Variants in R3HDM2 observed in about 807,000 individuals in gnomAD.
The protein encoded by R3HDM2 is R3H domain-containing protein 2.
In R3HDM2, 38 loss-of-function variants were observed where a neutral mutation model predicts 124.5. The ratio of observed to expected loss-of-function variants is 0.31; its 90% CI spans 0.24 to 0.40. The LOEUF (loss-of-function observed/expected upper bound fraction) is 0.40, where lower values mean the gene tolerates loss of function less well. R3HDM2 is among the 10% of genes least tolerant of loss of function. The pLI is 1.00. For missense variants in R3HDM2, 869 were observed against 1,236.9 expected (o/e 0.70, Z 4.46); for synonymous variants, 391 against 448.0 (o/e 0.87, Z 1.61).
chr12:57,428,515 G>C (rs1210207483), intron 1 of R3HDM2, among the ~76,000 whole-genome samples: 1 of 142,322 alleles, frequency 7.0e-6, no homozygotes, highest in African/African-American at 2.6e-5. Flanking sequence ...GGTGGGGGGC[G>C]TGGTGGGGGG....
chr12:57,255,164 G>A, intron 23 of R3HDM2, 51 bp from the exon 24 acceptor site: 1 of 1,440,706 alleles, frequency 6.9e-7, no homozygotes, highest in Non-Finnish European at 9.4e-7. Context: ...GGACAGGAAG[G>A]ACTTGACAGC....
At chr12:57,362,238 C>T (rs1250246097) in intron 2 of R3HDM2, among the ~76,000 whole-genome samples, 1 of 152,220 alleles carries the variant, frequency 6.6e-6, no homozygotes, top group Admixed American at 6.5e-5. Context: ...ATCCCTGAGA[C>T]AGCAAGACCA....
chr12:57,337,353 A>G (rs1593497398), intron 2 of R3HDM2, among the ~76,000 whole-genome samples: 1 of 151,946 alleles, frequency 6.6e-6, no homozygotes. Context: ...GGATCTCCCT[A>G]TCTTGCCTAG....
At chr12:57,370,227 G>A (rs996636744) in intron 2 of R3HDM2, among the ~76,000 whole-genome samples, 26 of 152,070 alleles carry the variant, frequency 1.7e-4, no homozygotes, top group South Asian at 8.3e-4. Flanking sequence ...ATACATAAGC[G>A]TCTGGAATTT....
At chr12:57,366,144 AT>A (rs1025921068) in intron 2 of R3HDM2, among the ~76,000 whole-genome samples, 2 of 151,852 alleles carry the variant, frequency 1.3e-5, no homozygotes, top group Non-Finnish European at 2.9e-5. Flanking sequence ...CTCTTCACTT[AT>A]TTTTTTGTCT....
At chr12:57,264,714 C>T (rs910158512) in intron 19 of R3HDM2, among the ~76,000 whole-genome samples, 3 of 151,422 alleles carry the variant, frequency 2.0e-5, no homozygotes, top group African/African-American at 7.3e-5. Flanking sequence ...ATCACTGCAG[C>T]CTCAAACACC....
intron 2 of R3HDM2, among the ~76,000 whole-genome samples, chr12:57,317,012 G>A (rs1415620491): frequency 6.6e-6 from 1 of 151,992 alleles, no homozygotes; most frequent in East Asian, 1.9e-4. Flanking sequence ...CTCCCAAAGT[G>A]CAGGGATTAC....
chr12:57,303,939 T>G (rs2051918399), intron 3 of R3HDM2, among the ~76,000 whole-genome samples: 1 of 152,210 alleles, frequency 6.6e-6, no homozygotes, highest in African/African-American at 2.4e-5. Flanking sequence ...TACCACAGCA[T>G]GAAAGAGTGT....
chr12:57,366,744 C>CA (rs2062709262), intron 2 of R3HDM2, among the ~76,000 whole-genome samples: 1 of 152,116 alleles, frequency 6.6e-6, no homozygotes, highest in South Asian at 2.1e-4. Context: ...GGCTGGAGTG[C>CA]AGTGGCGCGA....
chr12:57,423,287 G>A (rs188452944), intron 1 of R3HDM2, among the ~76,000 whole-genome samples: 28 of 151,988 alleles, frequency 1.8e-4, no homozygotes, highest in African/African-American at 5.1e-4. Context: ...AGCCAGGCAC[G>A]GTGGCGCACC....
intron 2 of R3HDM2, among the ~76,000 whole-genome samples, chr12:57,368,113 T>C (rs1350910558): frequency 2.0e-5 from 3 of 152,068 alleles, no homozygotes; most frequent in African/African-American, 7.2e-5. Flanking sequence ...TAAGAATTCT[T>C]TGAAGCCAGG....
intron 2 of R3HDM2, among the ~76,000 whole-genome samples, chr12:57,330,054 C>T (rs769318372): frequency 1.1e-4 from 17 of 152,104 alleles, no homozygotes; most frequent in Non-Finnish European, 2.2e-4. Flanking sequence ...GCAACCTCCG[C>T]CTCCCGGGTT....
At chr12:57,332,060 G>A (rs373331112) in intron 2 of R3HDM2, among the ~76,000 whole-genome samples, 7 of 151,710 alleles carry the variant, frequency 4.6e-5, no homozygotes, top group African/African-American at 1.7e-4. Flanking sequence ...TTCCAGCCTG[G>A]ACCACAGAGC....
At chr12:57,343,938 G>C (rs2059852208) in intron 2 of R3HDM2, among the ~76,000 whole-genome samples, 1 of 152,002 alleles carries the variant, frequency 6.6e-6, no homozygotes. Flanking sequence ...TGAATGACAT[G>C]TTTTTGACCT....
intron 2 of R3HDM2, among the ~76,000 whole-genome samples, chr12:57,351,943 T>C (rs1242532622): frequency 1.3e-5 from 2 of 152,026 alleles, no homozygotes; most frequent in Non-Finnish European, 1.5e-5. Context: ...GAAGGTGTAA[T>C]TAAAAAGAAA....
At chr12:57,279,747 T>C (rs2137863847) in intron 14 of R3HDM2, among the ~76,000 whole-genome samples, 1 of 152,266 alleles carries the variant, frequency 6.6e-6, no homozygotes, top group East Asian at 1.9e-4. Context: ...ATGACCTTCC[T>C]GGTCTCCACA....
chr12:57,318,370 G>A (rs1443107799), intron 2 of R3HDM2, among the ~76,000 whole-genome samples: 4 of 152,066 alleles, frequency 2.6e-5, no homozygotes, highest in African/African-American at 9.7e-5. Context: ...CTGACAGGCT[G>A]GGTGGTGCAG....
chr12:57,312,239 T>C (rs1593109347), intron 2 of R3HDM2, among the ~76,000 whole-genome samples: 1 of 152,144 alleles, frequency 6.6e-6, no homozygotes, highest in East Asian at 1.9e-4. Flanking sequence ...CCCAGAAGTC[T>C]TTCAAGAAGC....
At chr12:57,396,769 C>A (rs1477594623) in intron 1 of R3HDM2, among the ~76,000 whole-genome samples, 1 of 83,908 alleles carries the variant, frequency 1.2e-5, no homozygotes, top group African/African-American at 4.8e-5. Context: ...CAGAGTGAGA[C>A]TCTGTCTCAA....
Sources: gnomAD v4.1 joint callset for allele counts (sites outside exome capture counted in the v4.1 genomes callset) on GRCh38, gnomAD v4.1.1 for gene constraint, MANE v1.5 for transcripts, NCBI Gene and HGNC (gene_info 2026-07-23, HGNC 2026-07-21) for gene names.